TMEFF2: variants seen among roughly 807,000 people sequenced by gnomAD.
The protein encoded by TMEFF2 is tomoregulin-2.
Under a neutral mutation model 53.8 loss-of-function variants are expected in TMEFF2, and 28 were observed. The ratio of observed to expected loss-of-function variants is 0.52; its 90% CI spans 0.39 to 0.71. The LOEUF (loss-of-function observed/expected upper bound fraction) is 0.71, where lower values mean the gene tolerates loss of function less well. Ranked by LOEUF, TMEFF2 falls within the 30% of genes least tolerant of loss-of-function variation. The probability of loss-of-function intolerance (pLI) is 0.00; values close to 1 mark genes in which losing one functional copy is unlikely to be tolerated. For missense variants in TMEFF2, 353 were observed against 455.2 expected (o/e 0.78, Z 2.04); for synonymous variants, 162 against 166.3 (o/e 0.97, Z 0.20).
intron 5 of TMEFF2, among the ~76,000 whole-genome samples, chr2:192,057,445 G>T (rs983356056): frequency 1.3e-5 from 2 of 152,046 alleles, no homozygotes; most frequent in Non-Finnish European, 2.9e-5. Flanking sequence ...GTTTTGGGGG[G>T]CTTCAATGAT....
chr2:192,120,036 T>C (rs559599560), intron 4 of TMEFF2, among the ~76,000 whole-genome samples: 1 of 152,250 alleles, frequency 6.6e-6, no homozygotes, highest in African/African-American at 2.4e-5. Flanking sequence ...AATAGACATC[T>C]CTTTATCAAT....
At chr2:191,955,524 ATTTTTTTTT>A (rs71405028) in intron 8 of TMEFF2, among the ~76,000 whole-genome samples, 2 of 60,304 alleles carry the variant, frequency 3.3e-5, no homozygotes, top group Non-Finnish European at 5.8e-5. Context: ...CTAATTCTTA[ATTTTTTTTT>A]TTTTTTTTTT....
In TMEFF2 at chr2:192,187,941, T is replaced by C. The variant is rs567319706; in HGVS notation, c.283-3458A>G. 6.6e-5 allele frequency among the ~76,000 whole-genome samples: 10 copies of C among 152,296 alleles called. No individual in the cohort carries two copies. The South Asian group carries it at 1.5e-3, about 22-fold the overall frequency. ...TGAGATTTCAGCATCTAGAAGCTTA[T>C]GTATGACTTATGTTTTATATATTGC... On this transcript the variant is annotated intron_variant, in intron 2 of 9. Transcript: ENST00000272771.
chr2:192,055,431 G>A (rs1356938330), intron 5 of TMEFF2, among the ~76,000 whole-genome samples: 2 of 152,050 alleles, frequency 1.3e-5, no homozygotes, highest in Non-Finnish European at 2.9e-5. Context: ...TCAGTTTTGG[G>A]AACCACAAAT....
At chr2:191,986,621 A>C (rs1685981833) in intron 7 of TMEFF2, among the ~76,000 whole-genome samples, 1 of 147,086 alleles carries the variant, frequency 6.8e-6, no homozygotes, top group Admixed American at 6.9e-5. Context: ...GCACTTTGGG[A>C]GGCCAACGTG....
chr2:192,003,143 G>GAATA lies in TMEFF2; in HGVS notation c.537-3936_537-3935insTATT, dbSNP rs373665674. Among the ~76,000 whole-genome samples, 436 of 152,206 alleles carry GAATA rather than the reference G, an allele frequency of 2.9e-3. 8 individuals carry two copies. Among genetic ancestry groups the GAATA allele is most frequent in the South Asian group, 0.026 (126 of 4,812 alleles). ...ATGAAACTTTCAATAACTACATGTT[G>GAATA]GATAGCTAAATGAAATGAATGAATA... On this transcript the variant is annotated intron_variant, in intron 5 of 9. Coordinates refer to ENST00000272771, the MANE Select transcript of TMEFF2 (RefSeq NM_016192.4).
intron 5 of TMEFF2, chr2:192,036,504 A>G (rs1687296483): frequency 6.6e-6 from 1 of 152,212 alleles, no homozygotes; most frequent in Non-Finnish European, 1.5e-5. Context: ...CTTCAGGAGG[A>G]AGTGAGAGTG....
chr2:192,139,823 C>T (rs1433741770), intron 4 of TMEFF2, among the ~76,000 whole-genome samples: 1 of 152,036 alleles, frequency 6.6e-6, no homozygotes, highest in Non-Finnish European at 1.5e-5. Context: ...GGGTTGAATG[C>T]TAGAATCTTT....
chr2:192,189,137 T>G (rs534658163), intron 2 of TMEFF2, among the ~76,000 whole-genome samples: 1 of 152,186 alleles, frequency 6.6e-6, no homozygotes, highest in African/African-American at 2.4e-5. Context: ...CTAAGAGAGG[T>G]GAAGGCTAAT....
chr2:192,163,615 C>T (rs1465873899), intron 4 of TMEFF2, among the ~76,000 whole-genome samples: 1 of 152,050 alleles, frequency 6.6e-6, no homozygotes, highest in Non-Finnish European at 1.5e-5. Context: ...ATTGAAAAGC[C>T]ACTAGTTAAC....
At chr2:192,147,113 C>T (rs1211622136) in intron 4 of TMEFF2, among the ~76,000 whole-genome samples, 2 of 151,960 alleles carry the variant, frequency 1.3e-5, no homozygotes, top group Non-Finnish European at 2.9e-5. Flanking sequence ...TTTTAAGACT[C>T]CCCTTTCCAG....
intron 5 of TMEFF2, among the ~76,000 whole-genome samples, chr2:192,013,294 T>A (rs1686673172): frequency 6.6e-6 from 1 of 152,152 alleles, no homozygotes; most frequent in Non-Finnish European, 1.5e-5. Context: ...ACATGCCACA[T>A]GCTTCTGCCA....
chr2:192,061,802 A>T (rs1021079100), intron 4 of TMEFF2, among the ~76,000 whole-genome samples: 3 of 151,944 alleles, frequency 2.0e-5, no homozygotes, highest in Non-Finnish European at 4.4e-5. Context: ...TTCACATGAG[A>T]TCTGCTTGTT....
At chr2:192,130,594 C>T (rs1689795746) in intron 4 of TMEFF2, among the ~76,000 whole-genome samples, 2 of 152,140 alleles carry the variant, frequency 1.3e-5, no homozygotes, top group African/African-American at 4.8e-5. Flanking sequence ...GGCTCAGAAG[C>T]TCCCCCACTG....
At chr2:191,970,142 C>T (rs952485761) in intron 7 of TMEFF2, among the ~76,000 whole-genome samples, 9 of 152,006 alleles carry the variant, frequency 5.9e-5, no homozygotes, top group Non-Finnish European at 1.2e-4. Flanking sequence ...GGTAGATTTC[C>T]GTGTTGTCCC....
intron 4 of TMEFF2, among the ~76,000 whole-genome samples, chr2:192,107,234 G>C (rs1689170218): frequency 6.6e-6 from 1 of 151,678 alleles, no homozygotes; most frequent in Admixed American, 6.6e-5. Flanking sequence ...AATGCACATA[G>C]GATTAAGGCA....
At chr2:192,160,487 T>C (rs533328084) in intron 4 of TMEFF2, among the ~76,000 whole-genome samples, 1 of 152,176 alleles carries the variant, frequency 6.6e-6, no homozygotes, top group South Asian at 2.1e-4. Flanking sequence ...AAAATATTCA[T>C]TAAGAAAAGA....
intron 4 of TMEFF2, among the ~76,000 whole-genome samples, chr2:192,148,470 C>T (rs908931094): frequency 6.6e-6 from 1 of 152,002 alleles, no homozygotes; most frequent in Admixed American, 6.6e-5. Context: ...ACTTGACATG[C>T]TACAGAATTT....
At chr2:191,964,348 C>CT in intron 7 of TMEFF2, among the ~76,000 whole-genome samples, 1 of 104,582 alleles carries the variant, frequency 9.6e-6, no homozygotes, top group Admixed American at 1.0e-4. Flanking sequence ...TTCTTTCTTT[C>CT]TTTCTTTCTT....
Sources: allele counts gnomAD v4.1 joint callset (sites outside exome capture counted in the v4.1 genomes callset), GRCh38; gene constraint gnomAD v4.1.1; transcripts MANE v1.5; gene names NCBI Gene and HGNC (gene_info 2026-07-23, HGNC 2026-07-21).